The following ZNF148 variants were observed in gnomAD, a reference collection of about 807,000 sequenced individuals.
The protein encoded by ZNF148 is zinc finger protein 148.
In ZNF148, 7 loss-of-function variants were observed where a neutral mutation model predicts 67.7. The ratio of observed to expected loss-of-function variants is 0.10; its 90% CI spans 0.06 to 0.19. The LOEUF (loss-of-function observed/expected upper bound fraction) is 0.19. Among genes scored for constraint, ZNF148 ranks in the 10% least tolerant of loss-of-function variants. The pLI, the probability that ZNF148 is intolerant of heterozygous loss-of-function variation, is 1.00. For missense variants in ZNF148, 583 were observed against 947.1 expected, an observed-to-expected ratio of 0.62 and a Z score of 5.05; for synonymous variants, 333 against 330.7, an observed-to-expected ratio of 1.01 and a Z score of -0.08.
At chr3:125,345,329 C>A (rs941675460) in intron 1 of ZNF148, among the ~76,000 whole-genome samples, 9 of 151,916 alleles carry the variant, frequency 5.9e-5, no homozygotes, top group African/African-American at 2.2e-4. Flanking sequence ...TTTAAATATA[C>A]ATAAAAATAA....
At chr3:125,273,477 C>T (rs1020658356) in intron 7 of ZNF148, among the ~76,000 whole-genome samples, 3 of 148,618 alleles carry the variant, frequency 2.0e-5, no homozygotes, top group African/African-American at 7.5e-5. Context: ...TTTCAAAAAT[C>T]TCTTTTTTTT....
intron 2 of ZNF148, among the ~76,000 whole-genome samples, chr3:125,330,362 G>A (rs900365487): frequency 1.3e-5 from 2 of 151,186 alleles, no homozygotes; most frequent in Admixed American, 6.6e-5. Flanking sequence ...CTACTTGAGA[G>A]GCCTGAGGTG....
rs769397267 is a variant in ZNF148 at position 125,280,615 on chromosome 3, A to T, written c.460-1368T>A. 5.9e-5 allele frequency among the ~76,000 whole-genome samples: 9 copies of T among 151,838 alleles called. No individual in the cohort carries two copies. In the East Asian group the frequency reaches 1.7e-3, roughly 29 times the overall value. On this transcript the variant is annotated intron_variant, in intron 5 of 8. Coordinates refer to ENST00000360647, the MANE Select transcript of ZNF148 (RefSeq NM_021964.3). ...GAGGATCACTTGGGCCAGGAGGTCAAGGCTGCAATGAGCCATCATCATGCC... is the reference window on the plus strand; with the variant it reads ...GAGGATCACTTGGGCCAGGAGGTCATGGCTGCAATGAGCCATCATCATGCC...
At chr3:125,281,376 T>C (rs1219450707) in intron 5 of ZNF148, among the ~76,000 whole-genome samples, 2 of 152,192 alleles carry the variant, frequency 1.3e-5, no homozygotes, top group Non-Finnish European at 2.9e-5. Context: ...TGACTCAAAA[T>C]ATTTTATACA....
Position 125,237,617 on chromosome 3 carries a change from A to G in ZNF148, c.668-3288T>C, listed in dbSNP as rs76097006. On this transcript the variant is annotated intron_variant, in intron 7 of 8. Coordinates refer to ENST00000360647, the MANE Select transcript of ZNF148 (RefSeq NM_021964.3). ...AAACTAAATTTAAAAAAGAATGTAG[A>G]TGATAGAGCTCATTAACGTCAGAAG... Among the ~76,000 whole-genome samples the G allele has an allele frequency of 3.6e-3, 549 of 152,284 alleles. 29 individuals carry two copies. In the East Asian group the frequency reaches 0.093, roughly 26 times the overall value.
At chr3:125,316,448 T>C (rs1266501859) in intron 3 of ZNF148, among the ~76,000 whole-genome samples, 3 of 152,220 alleles carry the variant, frequency 2.0e-5, no homozygotes, top group Non-Finnish European at 1.5e-5. Context: ...GTTGTACTAA[T>C]TTACATTCCC....
At chr3:125,307,881 A>C (rs1939973861) in intron 4 of ZNF148, among the ~76,000 whole-genome samples, 1 of 147,862 alleles carries the variant, frequency 6.8e-6, no homozygotes, top group Non-Finnish European at 1.5e-5. Flanking sequence ...TGAAGTTCTT[A>C]ACTCAAGCAA....
chr3:125,374,438 T>C (rs1942992647), intron 1 of ZNF148, among the ~76,000 whole-genome samples: 1 of 152,092 alleles, frequency 6.6e-6, no homozygotes, highest in South Asian at 2.1e-4. Context: ...TCTCCCTTCT[T>C]TCCTTCCCTG....
intron 1 of ZNF148, among the ~76,000 whole-genome samples, chr3:125,339,269 G>A (rs923155642): frequency 7.2e-5 from 11 of 152,162 alleles, no homozygotes; most frequent in African/African-American, 2.2e-4. Flanking sequence ...GTAAAAGCAC[G>A]ACAATTTATC....
chr3:125,355,220 T>G (rs1446975181), intron 1 of ZNF148, among the ~76,000 whole-genome samples: 1 of 152,232 alleles, frequency 6.6e-6, no homozygotes, highest in African/African-American at 2.4e-5. Flanking sequence ...ATACATGATA[T>G]AGAGATATCA....
intron 7 of ZNF148, among the ~76,000 whole-genome samples, chr3:125,264,485 T>C (rs34456399): frequency 0.035 from 5,381 of 152,268 alleles, 146 homozygotes; most frequent in South Asian, 0.084. Flanking sequence ...AAACAGATCA[T>C]AGTAATTGGT....
At chr3:125,357,576 G>A (rs1162870129) in intron 1 of ZNF148, among the ~76,000 whole-genome samples, 3 of 152,220 alleles carry the variant, frequency 2.0e-5, no homozygotes, top group Non-Finnish European at 4.4e-5. Flanking sequence ...GCTCCACTTC[G>A]CTGTTCCACA....
intron 4 of ZNF148, among the ~76,000 whole-genome samples, chr3:125,298,846 C>G (rs986708020): frequency 4.6e-5 from 7 of 152,000 alleles, no homozygotes; most frequent in African/African-American, 1.7e-4. Flanking sequence ...CCAGGATGGT[C>G]TCAATCTCCT....
rs1455435084 is a variant in ZNF148, at chr3:125,231,227, T to C, written c.*1114A>G. The C allele has an allele frequency of 3.3e-5, 5 of 152,496 alleles. No homozygotes were observed. The highest frequency in any genetic ancestry group is 7.4e-5 in the Non-Finnish European group (5 of 67,958). The allele number at this position is 152,496 out of a possible 1,614,324, so 9.4% of individuals were successfully genotyped here. A position where few individuals can be genotyped will look rare whatever the true frequency, so the allele number is the denominator to read the frequency against. Reference sequence around the variant, plus strand: ...AGTTTCTCTGGATACTGTTTAATTATCCAATCTATCAAGAGTCTAGAAAGA... The same window carrying C: ...AGTTTCTCTGGATACTGTTTAATTACCCAATCTATCAAGAGTCTAGAAAGA... On this transcript the variant is annotated 3_prime_UTR_variant, in exon 9 of 9. Transcript: ENST00000360647.
chr3:125,348,682 G>T (rs565924065), intron 1 of ZNF148, among the ~76,000 whole-genome samples: 21 of 152,178 alleles, frequency 1.4e-4, no homozygotes, highest in Non-Finnish European at 2.5e-4. Context: ...TACTCACAGC[G>T]ATGTACAGAT....
chr3:125,268,651 G>T (rs1213692563), intron 7 of ZNF148, among the ~76,000 whole-genome samples: 1 of 152,174 alleles, frequency 6.6e-6, no homozygotes, highest in Non-Finnish European at 1.5e-5. Flanking sequence ...CCTTGGCAAA[G>T]AATTTATGAC....
intron 4 of ZNF148, among the ~76,000 whole-genome samples, chr3:125,308,607 G>A (rs957210977): frequency 6.7e-6 from 1 of 149,372 alleles, no homozygotes; most frequent in African/African-American, 2.5e-5. Flanking sequence ...AGTCACTACA[G>A]TATTACAAAA....
intron 2 of ZNF148, among the ~76,000 whole-genome samples, chr3:125,328,119 C>T (rs1941108600): frequency 6.6e-6 from 1 of 151,390 alleles, no homozygotes; most frequent in Admixed American, 6.6e-5. Flanking sequence ...CTAAAGACAC[C>T]TGGCCAAACT....
In ZNF148 at chr3:125,232,379, A is replaced by G; in HGVS notation, c.2347T>C (p.Ser783Pro). 6.2e-7 allele frequency: 1 copy of G among 1,605,754 alleles called. No individual in the cohort carries two copies. The highest frequency in any genetic ancestry group is 1.1e-5 in the South Asian group (1 of 90,872). The change falls in exon 9 of 9, where the codon TCT (serine) becomes CCT (proline). Residue 783 changes from serine (S) to proline (P), a missense_variant. By Grantham distance (74) the Ser-to-Pro change is moderately conservative. Coordinates refer to ENST00000360647, the MANE Select transcript of ZNF148 (RefSeq NM_021964.3). The surrounding 1 kb of genome is among the most constrained non-coding windows in gnomAD (Gnocchi z 4.2). ...TGGCCAGTTGTGGCATCAGGTGAAGATGTCATCCCAGCTCTATTATCATTT... is the reference window on the plus strand; with the variant it reads ...TGGCCAGTTGTGGCATCAGGTGAAGGTGTCATCCCAGCTCTATTATCATTT... Reference protein sequence around the residue: ...NVNDNRAGMTSSPDATTGQTF... With the variant: ...NVNDNRAGMTPSPDATTGQTF...
Sources: gnomAD v4.1 joint callset for allele counts (sites outside exome capture counted in the v4.1 genomes callset) on GRCh38, gnomAD v4.1.1 for gene constraint, Gnocchi (gnomAD v3.1) non-coding constraint, MANE v1.5 for transcripts, NCBI Gene and HGNC (gene_info 2026-07-23, HGNC 2026-07-21) for gene names.